The following KCNC2 variants were observed in gnomAD, a reference collection of about 807,000 sequenced individuals.
KCNC2 encodes the protein voltage-gated potassium channel KCNC2.
In KCNC2, 21 loss-of-function variants were observed where a neutral mutation model predicts 44.5. The observed-to-expected ratio is 0.47, with a 90% confidence interval of 0.33 to 0.68. The LOEUF (loss-of-function observed/expected upper bound fraction) is 0.68, where lower values mean the gene tolerates loss of function less well. Among genes scored for constraint, KCNC2 ranks in the 30% least tolerant of loss-of-function variants. The pLI, the probability that KCNC2 is intolerant of heterozygous loss-of-function variation, is 0.01. For missense variants in KCNC2, 589 were observed against 826.2 expected (o/e 0.71, Z 3.52); for synonymous variants, 391 against 339.1 (o/e 1.15, Z -1.68).
At position 75,042,269 on chromosome 12, in the gene KCNC2, C is replaced by G; in HGVS notation, c.*836G>C. ...TTCTGGCTAAACAATGCAAGCCTGG[C>G]TGGCAGTTACCTTTCTCTCATGTTT... On this transcript the variant is annotated 3_prime_UTR_variant, in exon 5 of 5. Transcript: ENST00000549446. 6.2e-7 allele frequency: 1 copy of G among 1,607,308 alleles called. No individual in the cohort carries two copies. Among genetic ancestry groups the G allele is most frequent in the Non-Finnish European group, 8.5e-7 (1 of 1,176,744 alleles).
At chr12:75,133,415 T>C (rs1888994619) in intron 2 of KCNC2, among the ~76,000 whole-genome samples, 1 of 150,770 alleles carries the variant, frequency 6.6e-6, no homozygotes, top group Admixed American at 6.6e-5. Context: ...TATGTATCCA[T>C]AAAAATTTTA....
intron 2 of KCNC2, among the ~76,000 whole-genome samples, chr12:75,086,350 G>A (rs1428541018): frequency 6.6e-6 from 1 of 152,076 alleles, no homozygotes; most frequent in Non-Finnish European, 1.5e-5. Context: ...ATTTGCCAAT[G>A]TGCAGTTTTG....
chr12:75,155,686 G>C (rs910312046), intron 2 of KCNC2, among the ~76,000 whole-genome samples: 3 of 151,622 alleles, frequency 2.0e-5, no homozygotes, highest in Non-Finnish European at 4.4e-5. Context: ...CCTAACTAGA[G>C]AGGGTGCTTA....
At chr12:75,190,005 C>G (rs1024183170) in intron 2 of KCNC2, among the ~76,000 whole-genome samples, 9 of 152,144 alleles carry the variant, frequency 5.9e-5, no homozygotes, top group African/African-American at 1.9e-4. Flanking sequence ...ATTAGCCTAC[C>G]ATTAAGCTTG....
intron 2 of KCNC2, among the ~76,000 whole-genome samples, chr12:75,173,884 G>A (rs1891997579): frequency 6.6e-6 from 1 of 151,790 alleles, no homozygotes. Context: ...TTAAAACACT[G>A]TATAGATTTC....
Position 75,194,860 on chromosome 12 carries a change from G to C in KCNC2, c.687+12437C>G, listed in dbSNP as rs536441862. 4.6e-5 allele frequency among the ~76,000 whole-genome samples: 7 copies of C among 152,132 alleles called. No individual in the cohort carries two copies. In the South Asian group the frequency reaches 1.5e-3, roughly 32 times the overall value. ...TTCTTTTAAAACAAGAAAATGGTGT[G>C]GTATATATGTGTCTTGGAAGGAATG... On this transcript the variant is annotated intron_variant, in intron 2 of 4. Transcript: ENST00000549446.
At chr12:75,114,856 CTTTTTTTTTTTT>C (rs754820554) in intron 2 of KCNC2, among the ~76,000 whole-genome samples, 1 of 86,542 alleles carries the variant, frequency 1.2e-5, no homozygotes, top group African/African-American at 5.3e-5. Flanking sequence ...TCAACTTCTA[CTTTTTTTTTTTT>C]TTTTTTTTTT....
At chr12:75,194,134 T>C (rs2137732944) in intron 2 of KCNC2, among the ~76,000 whole-genome samples, 1 of 152,258 alleles carries the variant, frequency 6.6e-6, no homozygotes, top group Non-Finnish European at 1.5e-5. Context: ...TTCAATAGTG[T>C]CCCTCAAAAT....
Position 75,041,007 on chromosome 12 carries a change from G to T in KCNC2, c.*2098C>A. The T allele has an allele frequency of 1.1e-6, 1 of 915,760 alleles. No homozygotes were observed. Among genetic ancestry groups the T allele is most frequent in the Non-Finnish European group, 1.7e-6 (1 of 576,220 alleles). 56.7% of individuals were successfully genotyped at this position (915,760 alleles called of 1,614,324 possible). Reference sequence around the variant, plus strand: ...TACAAGCAGAGCACTCTCATGGGGAGCACCAGATGAGTTCCAGCCGCAGTT... The same window carrying T: ...TACAAGCAGAGCACTCTCATGGGGATCACCAGATGAGTTCCAGCCGCAGTT... On this transcript the variant is annotated 3_prime_UTR_variant, in exon 5 of 5. Coordinates refer to ENST00000549446, the MANE Select transcript of KCNC2 (RefSeq NM_139137.4).
At chr12:75,123,851 A>T (rs1043602408) in intron 2 of KCNC2, among the ~76,000 whole-genome samples, 5 of 152,226 alleles carry the variant, frequency 3.3e-5, no homozygotes, top group African/African-American at 1.2e-4. Flanking sequence ...TTATAGAGGA[A>T]GTTCTCCAAA....
intron 4 of KCNC2, chr12:75,043,460 A>G (rs964541042): frequency 4.5e-6 from 6 of 1,320,112 alleles, no homozygotes; most frequent in East Asian, 2.7e-5. Context: ...TTATTGTTAC[A>G]ATACTTCAAA....
intron 2 of KCNC2, among the ~76,000 whole-genome samples, chr12:75,116,112 G>T (rs1283439745): frequency 2.6e-5 from 4 of 152,132 alleles, no homozygotes; most frequent in Admixed American, 2.6e-4. Flanking sequence ...AATGTTGTAT[G>T]CATTTTGCAG....
chr12:75,144,945 G>T (rs1322021714), intron 2 of KCNC2, among the ~76,000 whole-genome samples: 1 of 150,644 alleles, frequency 6.6e-6, no homozygotes, highest in East Asian at 1.9e-4. Context: ...GTGGATGAGA[G>T]AGTAAAAAAA....
intron 2 of KCNC2, among the ~76,000 whole-genome samples, chr12:75,202,618 A>G (rs926960366): frequency 2.6e-5 from 4 of 151,836 alleles, no homozygotes; most frequent in Admixed American, 1.3e-4. Context: ...GTTGTTTGGT[A>G]TAAGTACAGT....
chr12:75,086,660 C>CA lies in KCNC2; in HGVS notation c.688-35344dup, dbSNP rs751242858. Among the ~76,000 whole-genome samples, 275 of 116,952 alleles carry CA rather than the reference C, an allele frequency of 2.4e-3. 4 individuals carry two copies. The East Asian group carries it at 0.031, about 13-fold the overall frequency. The allele number at this position is 116,952 out of a possible 152,430, so 76.7% of individuals were successfully genotyped here. On this transcript the variant is annotated intron_variant, in intron 2 of 4. Transcript: ENST00000549446. ...TCCCATAAAAAGCAAGTTCATTTGG[C>CA]AAAAAAAAAAAAAAAAAAAAAATAT...
chr12:75,084,104 A>C (rs1212375320), intron 2 of KCNC2, among the ~76,000 whole-genome samples: 3 of 151,980 alleles, frequency 2.0e-5, no homozygotes, highest in Non-Finnish European at 4.4e-5. Flanking sequence ...GTGTTCAAAA[A>C]GAAAGTTGAA....
chr12:75,191,254 A>T (rs115546108), intron 2 of KCNC2, among the ~76,000 whole-genome samples: 3,246 of 151,984 alleles, frequency 0.021, 104 homozygotes, highest in African/African-American at 0.074. Context: ...TTTAAAAAAA[A>T]TCCTACGTAT....
At chr12:75,107,431 AG>A (rs2137215266) in intron 2 of KCNC2, among the ~76,000 whole-genome samples, 1 of 152,346 alleles carries the variant, frequency 6.6e-6, no homozygotes, top group South Asian at 2.1e-4. Flanking sequence ...AAACAATAAA[AG>A]TAAAATATTT....
intron 2 of KCNC2, among the ~76,000 whole-genome samples, chr12:75,076,768 A>G (rs1884026171): frequency 6.6e-6 from 1 of 152,194 alleles, no homozygotes; most frequent in Non-Finnish European, 1.5e-5. Flanking sequence ...TTGCCTTGCT[A>G]AATGTTACTT....
Sources: allele counts gnomAD v4.1 joint callset (sites outside exome capture counted in the v4.1 genomes callset), GRCh38; gene constraint gnomAD v4.1.1; transcripts MANE v1.5; gene names NCBI Gene and HGNC (gene_info 2026-07-23, HGNC 2026-07-21).